SGCZ: variants seen among roughly 807,000 people sequenced by gnomAD.
The protein encoded by SGCZ is sarcoglycan zeta, also known as zeta-sarcoglycan.
SGCZ carries 40 observed loss-of-function variants against 41.3 expected under a neutral mutation model. The ratio of observed to expected loss-of-function variants is 0.97; its 90% CI spans 0.75 to 1.26. The LOEUF is 1.26. Among genes scored for constraint, SGCZ ranks in the 50% most tolerant of loss-of-function variants. SGCZ has a pLI of 0.00. For missense variants in SGCZ, 552 were observed against 369.8 expected (o/e 1.49, Z -4.04); for synonymous variants, 206 against 137.5 (o/e 1.50, Z -3.49).
At chr8:14,162,216 A>G (rs1485974511) in intron 5 of SGCZ, among the ~76,000 whole-genome samples, 1 of 152,200 alleles carries the variant, frequency 6.6e-6, no homozygotes, top group Non-Finnish European at 1.5e-5. Context: ...TGAAAATTCC[A>G]TGAGATCGTA....
chr8:14,548,765 T>C (rs1209960743), intron 2 of SGCZ, among the ~76,000 whole-genome samples: 2 of 152,122 alleles, frequency 1.3e-5, no homozygotes, highest in Admixed American at 6.6e-5. Context: ...TTTTAAAAAA[T>C]CAAAGTGAGT....
At chr8:14,381,032 G>T (rs973803370) in intron 2 of SGCZ, among the ~76,000 whole-genome samples, 1 of 152,066 alleles carries the variant, frequency 6.6e-6, no homozygotes, top group Non-Finnish European at 1.5e-5. Context: ...CCCTTAACTA[G>T]GGTCAATTTC....
intron 2 of SGCZ, among the ~76,000 whole-genome samples, chr8:14,502,178 G>T (rs757248846): frequency 6.6e-6 from 1 of 151,990 alleles, no homozygotes; most frequent in Non-Finnish European, 1.5e-5. Flanking sequence ...ATGGATCCTT[G>T]TATTCTTGTG....
intron 1 of SGCZ, among the ~76,000 whole-genome samples, chr8:14,836,870 T>C (rs919592287): frequency 5.9e-5 from 9 of 152,204 alleles, no homozygotes; most frequent in Admixed American, 5.9e-4. Flanking sequence ...TTATGGCTAC[T>C]ACTTTCATGG....
intron 1 of SGCZ, among the ~76,000 whole-genome samples, chr8:14,715,463 T>C (rs1434496085): frequency 6.6e-6 from 1 of 151,992 alleles, no homozygotes; most frequent in Non-Finnish European, 1.5e-5. Flanking sequence ...AAAGGTTGCA[T>C]GTACCATAAC....
chr8:14,880,256 C>G (rs1257881597), intron 1 of SGCZ, among the ~76,000 whole-genome samples: 1 of 152,116 alleles, frequency 6.6e-6, no homozygotes, highest in African/African-American at 2.4e-5. Context: ...CAATGAGATA[C>G]CATCTCACAC....
At chr8:15,116,777 A>G (rs1412829987) in intron 1 of SGCZ, among the ~76,000 whole-genome samples, 1 of 152,212 alleles carries the variant, frequency 6.6e-6, no homozygotes, top group African/African-American at 2.4e-5. Flanking sequence ...CTTTCCTAAC[A>G]TGTCAGCAAG....
chr8:14,649,997 T>C (rs1243006420), intron 1 of SGCZ, among the ~76,000 whole-genome samples: 1 of 151,992 alleles, frequency 6.6e-6, no homozygotes, highest in African/African-American at 2.4e-5. Flanking sequence ...AGGAGTGACA[T>C]CCTTGCCAGG....
At position 14,674,620 on chromosome 8, in the gene SGCZ, G is replaced by C. The variant is rs148384150; in HGVS notation, c.40-119694C>G. Among the ~76,000 whole-genome samples, 12 of 152,174 alleles carry C rather than the reference G, an allele frequency of 7.9e-5. No individual in the cohort carries two copies. In the East Asian group the frequency reaches 2.3e-3, roughly 29 times the overall value. ...TCCCACCCAAATTTCATGTTTAATT[G>C]TAATCCACAATGTTTGACGTGGGAC... On this transcript the variant is annotated intron_variant, in intron 1 of 7. Coordinates refer to ENST00000382080, the MANE Select transcript of SGCZ (RefSeq NM_139167.4).
At chr8:14,116,019 C>G (rs936242266) in intron 5 of SGCZ, among the ~76,000 whole-genome samples, 5 of 152,068 alleles carry the variant, frequency 3.3e-5, no homozygotes, top group Non-Finnish European at 7.4e-5. Flanking sequence ...GCAGCACTTT[C>G]ATTGCTTAAT....
At chr8:15,139,408 G>T (rs986696256) in intron 1 of SGCZ, among the ~76,000 whole-genome samples, 1 of 152,116 alleles carries the variant, frequency 6.6e-6, no homozygotes, top group Non-Finnish European at 1.5e-5. Context: ...ACATAGTAAA[G>T]TGTCCTAAAG....
At chr8:14,980,655 C>T (rs1801629481) in intron 1 of SGCZ, among the ~76,000 whole-genome samples, 1 of 152,138 alleles carries the variant, frequency 6.6e-6, no homozygotes, top group Admixed American at 6.6e-5. Flanking sequence ...GAAGCGGAAA[C>T]CCCTGATAAA....
At chr8:14,936,984 A>T (rs1283694735) in intron 1 of SGCZ, among the ~76,000 whole-genome samples, 5 of 151,860 alleles carry the variant, frequency 3.3e-5, no homozygotes, top group African/African-American at 9.6e-5. Flanking sequence ...CAAATTAAAA[A>T]GTTTATAAAA....
At chr8:14,265,802 CAG>C (rs1179949330) in intron 3 of SGCZ, among the ~76,000 whole-genome samples, 1 of 149,076 alleles carries the variant, frequency 6.7e-6, no homozygotes, top group Non-Finnish European at 1.5e-5. Context: ...AAAAATCACA[CAG>C]AAATCCTAGA....
chr8:14,733,848 G>C (rs1258424024), intron 1 of SGCZ, among the ~76,000 whole-genome samples: 1 of 152,116 alleles, frequency 6.6e-6, no homozygotes, highest in Non-Finnish European at 1.5e-5. Context: ...CAATTTTAAG[G>C]CTTTGAAACC....
chr8:14,699,187 A>G (rs925430921), intron 1 of SGCZ, among the ~76,000 whole-genome samples: 4 of 150,362 alleles, frequency 2.7e-5, no homozygotes, highest in African/African-American at 9.7e-5. Context: ...ACACACACAT[A>G]TATACACATA....
chr8:15,079,484 T>G (rs1240848715), intron 1 of SGCZ, among the ~76,000 whole-genome samples: 1 of 152,224 alleles, frequency 6.6e-6, no homozygotes, highest in Non-Finnish European at 1.5e-5. Context: ...TATAGATAAC[T>G]TGGGTTTCAC....
chr8:14,391,855 G>T (rs1045906141), intron 2 of SGCZ, among the ~76,000 whole-genome samples: 3 of 152,070 alleles, frequency 2.0e-5, no homozygotes, highest in Non-Finnish European at 4.4e-5. Context: ...GTGGAGCTTT[G>T]CAACTGGTTG....
At chr8:14,531,821 A>G (rs1159821280) in intron 2 of SGCZ, among the ~76,000 whole-genome samples, 2 of 152,098 alleles carry the variant, frequency 1.3e-5, no homozygotes, top group East Asian at 3.9e-4. Context: ...TGTAATTTGA[A>G]TAATGTAATT....
Sources: gnomAD v4.1 joint callset for allele counts (sites outside exome capture counted in the v4.1 genomes callset) on GRCh38, gnomAD v4.1.1 for gene constraint, MANE v1.5 for transcripts, NCBI Gene and HGNC (gene_info 2026-07-23, HGNC 2026-07-21) for gene names.